Variants in ZNF212 observed in about 807,000 individuals in gnomAD.
ZNF212 encodes Zinc finger protein C2H2-150.
Under a neutral mutation model 47.3 loss-of-function variants are expected in ZNF212, and 32 were observed. The observed-to-expected ratio is 0.68, with a 90% CI of 0.51 to 0.91. ZNF212 has a LOEUF of 0.91. Among genes scored for constraint, ZNF212 ranks in the 40% least tolerant of loss-of-function variants. The pLI, the probability that ZNF212 is intolerant of heterozygous loss-of-function variation, is 0.00. For synonymous variants in ZNF212, 242 were observed against 253.8 expected (o/e 0.95, Z 0.44); for missense variants, 555 against 622.8 (o/e 0.89, Z 1.16).
intron 1 of ZNF212, among the ~76,000 whole-genome samples, chr7:149,241,424 T>G (rs1796586218): frequency 8.2e-6 from 1 of 121,850 alleles, no homozygotes; most frequent in Non-Finnish European, 1.6e-5. Flanking sequence ...AGAGCAAGAC[T>G]CTGTCTCAAA....
At chr7:149,245,790 G>A (rs912726886) in intron 1 of ZNF212, among the ~76,000 whole-genome samples, 2 of 152,126 alleles carry the variant, frequency 1.3e-5, no homozygotes, top group Admixed American at 6.5e-5. Flanking sequence ...TTACAGACTC[G>A]AGCCACTGTG....
chr7:149,239,672 C>CGGA lies in ZNF212; in HGVS notation c.-105_-104insAGG. ...TCCCAGAATGCACCTGGCATCAACA[C>CGGA]GGCGGCGGCGGCGGCGGCTTCCAAC... On this transcript the variant is annotated 5_prime_UTR_variant, in exon 1 of 5. Coordinates refer to ENST00000335870, the MANE Select transcript of ZNF212 (RefSeq NM_012256.4). The CGGA allele has an allele frequency of 9.1e-7, 1 of 1,102,560 alleles. No homozygotes were observed. Among genetic ancestry groups the CGGA allele is most frequent in the Non-Finnish European group, 1.1e-6 (1 of 914,896 alleles). The allele number at this position is 1,102,560 out of a possible 1,614,324, so 68.3% of individuals were successfully genotyped here. A position where few individuals can be genotyped will look rare whatever the true frequency, so the allele number is the denominator to read the frequency against.
At chr7:149,241,853 A>C in intron 1 of ZNF212, among the ~76,000 whole-genome samples, 1 of 152,174 alleles carries the variant, frequency 6.6e-6, no homozygotes, top group Non-Finnish European at 1.5e-5. Flanking sequence ...TGAAGCAGAG[A>C]GTTCAAAGGG....
chr7:149,250,536 G>A lies in ZNF212; in HGVS notation c.402G>A (p.Gly134=). ...WILRLPPGSK[G]EAPKVSRSLE... ...TGCGGCTGCCCCCGGGCAGCAAGGG[G>A]GAGGCCCCCAAGGTAGTCTCATTGA... Residue 134 remains glycine, a synonymous_variant, in exon 2 of 5, where the codon GGG becomes GGA. Transcript: ENST00000335870. 6.2e-7 allele frequency: 1 copy of A among 1,612,600 alleles called. No homozygotes were observed.
intron 4 of ZNF212, among the ~76,000 whole-genome samples, chr7:149,253,140 TTGGGAGGTTA>T (rs1385902304): frequency 2.6e-5 from 4 of 151,982 alleles, no homozygotes; most frequent in Non-Finnish European, 5.9e-5. Context: ...AGTAGGTAAT[TTGGGAGGTTA>T]TGGAGGAAGA....
Position 149,239,672 on chromosome 7 carries a change from C to CGGCGGCGGT in ZNF212, c.-99_-98insTGGCGGCGG. 1 of 1,102,558 alleles carries CGGCGGCGGT rather than the reference C, an allele frequency of 9.1e-7. No individual in the cohort carries two copies. The highest frequency in any genetic ancestry group is 1.1e-6 in the Non-Finnish European group (1 of 914,894). 68.3% of individuals were successfully genotyped at this position (1,102,558 alleles called of 1,614,324 possible). A position where few individuals can be genotyped will look rare whatever the true frequency, so the allele number is the denominator to read the frequency against. On this transcript the variant is annotated 5_prime_UTR_variant, in exon 1 of 5. Coordinates refer to ENST00000335870, the MANE Select transcript of ZNF212 (RefSeq NM_012256.4). ...TCCCAGAATGCACCTGGCATCAACA[C>CGGCGGCGGT]GGCGGCGGCGGCGGCGGCTTCCAAC...
In ZNF212 at chr7:149,250,942, C is replaced by T. The variant is rs1031134073; in HGVS notation, c.541+135C>T. 5.0e-6 allele frequency: 6 copies of T among 1,203,662 alleles called. No individual in the cohort carries two copies. In the African/African-American group the frequency reaches 9.1e-5, roughly 18 times the overall value. The allele number at this position is 1,203,662 out of a possible 1,614,324, so 74.6% of individuals were successfully genotyped here. ...TCGGCCTGCACGGGCAGAGAAATGC[C>T]AGTCTCTAGGTCCTCCCATTTACAG... On this transcript the variant is annotated intron_variant, in intron 3 of 4. Coordinates refer to ENST00000335870, the MANE Select transcript of ZNF212 (RefSeq NM_012256.4).
In ZNF212 at chr7:149,250,547, A is replaced by G. The variant is rs1161988591; in HGVS notation, c.413A>G (p.Lys138Arg). The G allele has an allele frequency of 1.2e-6, 2 of 1,610,200 alleles. No homozygotes were observed. The highest frequency in any genetic ancestry group is 1.3e-5 in the African/African-American group (1 of 74,618). The change falls in exon 2 of 5, where the codon AAG becomes AGG. Residue 138 changes from lysine to arginine, a missense_variant and splice_region_variant. Physicochemically the swap from Lys to Arg is conservative, Grantham distance 26 (BLOSUM62 2). Transcript: ENST00000335870. Reference protein sequence around the residue: ...LPPGSKGEAPKVSRSLENDGV... With the variant: ...LPPGSKGEAPRVSRSLENDGV... ...CCGGGCAGCAAGGGGGAGGCCCCCA[A>G]GGTAGTCTCATTGAGGATTAAAAGT...
In ZNF212 at chr7:149,255,223, T is replaced by G. The variant is rs200841579; in HGVS notation, c.*808T>G. 6.6e-6 allele frequency: 1 copy of G among 152,652 alleles called. No homozygotes were observed. 9.5% of individuals were successfully genotyped at this position (152,652 alleles called of 1,614,324 possible). A position where few individuals can be genotyped will look rare whatever the true frequency, so the allele number is the denominator to read the frequency against. On this transcript the variant is annotated 3_prime_UTR_variant, in exon 5 of 5. Coordinates refer to ENST00000335870, the MANE Select transcript of ZNF212 (RefSeq NM_012256.4). Reference sequence around the variant, plus strand: ...AGTGAAGTTGCTGATGGTATGGCTGTGGTCTGGGACTTGCGGTGTCTCGGC... The same window carrying G: ...AGTGAAGTTGCTGATGGTATGGCTGGGGTCTGGGACTTGCGGTGTCTCGGC...
In ZNF212 at chr7:149,239,721, A is replaced by G; in HGVS notation, c.-58A>G. 1 of 1,284,198 alleles carries G rather than the reference A, an allele frequency of 7.8e-7. No homozygotes were observed. Among genetic ancestry groups the G allele is most frequent in the Non-Finnish European group, 9.9e-7 (1 of 1,010,644 alleles). The allele number at this position is 1,284,198 out of a possible 1,614,324, so 79.6% of individuals were successfully genotyped here. On this transcript the variant is annotated 5_prime_UTR_variant, in exon 1 of 5. Transcript: ENST00000335870. The stretch of plus-strand genomic sequence containing the variant: ...ACAGGCTCTGGGGCGCCGAGCGGAC[A>G]GGAACGCAGCACGGGGGCTCCGAGG...
intron 1 of ZNF212, among the ~76,000 whole-genome samples, chr7:149,245,231 A>T (rs1259681336): frequency 6.6e-6 from 1 of 151,928 alleles, no homozygotes; most frequent in East Asian, 1.9e-4. Flanking sequence ...CACACCTGTA[A>T]TCCCAGCTAC....
At chr7:149,244,935 C>G (rs1585592307) in intron 1 of ZNF212, among the ~76,000 whole-genome samples, 1 of 152,154 alleles carries the variant, frequency 6.6e-6, no homozygotes, top group Non-Finnish European at 1.5e-5. Flanking sequence ...TGCAGATTCA[C>G]ATGCAAAGTA....
In ZNF212 at chr7:149,253,570, A is replaced by G; in HGVS notation, c.643A>G (p.Met215Val). The change falls in exon 5 of 5, where the codon ATG becomes GTG. Residue 215 changes from methionine to valine, a missense_variant. By Grantham distance (21) the Met-to-Val change is conservative (BLOSUM62 1). Coordinates refer to ENST00000335870, the MANE Select transcript of ZNF212 (RefSeq NM_012256.4). Reference sequence around the variant, plus strand: ...CTTCCACTTTGCAGCAGGTGGGGTCATGATCAAACAGGAGCTACAGTATAC... The same window carrying G: ...CTTCCACTTTGCAGCAGGTGGGGTCGTGATCAAACAGGAGCTACAGTATAC... ...PGGAHPAGGV[M>V]IKQELQYTQE... The G allele has an allele frequency of 6.2e-7, 1 of 1,600,480 alleles. No homozygotes were observed. The highest frequency in any genetic ancestry group is 1.3e-5 in the African/African-American group (1 of 74,792).
intron 1 of ZNF212, among the ~76,000 whole-genome samples, chr7:149,242,527 T>C (rs930685625): frequency 1.3e-5 from 2 of 152,124 alleles, no homozygotes; most frequent in Non-Finnish European, 2.9e-5. Flanking sequence ...AACAAAGATG[T>C]AAAGAAGACA....
intron 1 of ZNF212, among the ~76,000 whole-genome samples, chr7:149,241,668 G>A (rs535309490): frequency 6.6e-6 from 1 of 152,280 alleles, no homozygotes; most frequent in African/African-American, 2.4e-5. Context: ...AATACTTGGA[G>A]CCCCAAAACT....
intron 3 of ZNF212, 101 bp downstream of exon 3, chr7:149,250,908 G>C: frequency 6.6e-7 from 1 of 1,525,798 alleles, no homozygotes; most frequent in Non-Finnish European, 8.9e-7. Flanking sequence ...TGTGGCTGTG[G>C]GTCCTCTGTC....
Position 149,249,244 on chromosome 7 carries a change from A to G in ZNF212, c.25-915A>G, listed in dbSNP as rs142296606. Among the ~76,000 whole-genome samples, 36 of 152,278 alleles carry G rather than the reference A, an allele frequency of 2.4e-4. No individual in the cohort carries two copies. In the East Asian group the frequency reaches 5.4e-3, roughly 23 times the overall value. On this transcript the variant is annotated intron_variant, in intron 1 of 4. Transcript: ENST00000335870. ...TAGACTTAGTCACATCATTTCAGTAAATATTTTTTAAGGATTTATTCACCA... is the reference window on the plus strand; with the variant it reads ...TAGACTTAGTCACATCATTTCAGTAGATATTTTTTAAGGATTTATTCACCA...
In ZNF212 at chr7:149,250,456, C is replaced by T; in HGVS notation, c.322C>T (p.Gln108Ter). 1.2e-6 allele frequency: 2 copies of T among 1,614,114 alleles called. No individual in the cohort carries two copies. The highest frequency in any genetic ancestry group is 1.1e-5 in the South Asian group (1 of 91,082). Residue 108 changes from glutamine (Q) to a stop codon, truncating the protein, a stop_gained, in exon 2 of 5, where the codon CAG (glutamine) becomes TAG (stop). Coordinates refer to ENST00000335870, the MANE Select transcript of ZNF212 (RefSeq NM_012256.4). LOFTEE classifies it high-confidence loss of function. ...CCTGCTGCAGGAGTATGGGCTACTG[C>T]AGAGGCGGCTGGAGAACGTGGAGAA... ...GTLLQEYGLLQRRLENVENLL... is the reference protein window; with the variant it reads ...GTLLQEYGLL
intron 1 of ZNF212, among the ~76,000 whole-genome samples, chr7:149,244,059 C>T (rs1342780163): frequency 2.6e-5 from 4 of 152,168 alleles, no homozygotes; most frequent in African/African-American, 9.7e-5. Flanking sequence ...CCTCAGCCTC[C>T]TGAGTATCTG....
Sources: gnomAD v4.1 joint callset for allele counts (sites outside exome capture counted in the v4.1 genomes callset) on GRCh38, gnomAD v4.1.1 for gene constraint, MANE v1.5 for transcripts, NCBI Gene and HGNC (gene_info 2026-07-23, HGNC 2026-07-21) for gene names.